Variants in TSPAN5 observed in about 807,000 individuals in gnomAD.
The protein encoded by TSPAN5 is tetraspanin-5.
Under a neutral mutation model 37.1 loss-of-function variants are expected in TSPAN5, and 10 were observed. The ratio of observed to expected loss-of-function variants is 0.27; its 90% CI spans 0.17 to 0.46. The LOEUF (loss-of-function observed/expected upper bound fraction) is 0.46, where lower values mean the gene tolerates loss of function less well. Among genes scored for constraint, TSPAN5 ranks in the 20% least tolerant of loss-of-function variants. The probability of loss-of-function intolerance (pLI) is 1.00; values close to 1 mark genes in which losing one functional copy is unlikely to be tolerated. For missense variants in TSPAN5, 195 were observed against 326.6 expected (o/e 0.60, Z 3.11); for synonymous variants, 110 against 118.9 (o/e 0.93, Z 0.48).
chr4:98,522,074 T>C (rs1221055766), intron 1 of TSPAN5, among the ~76,000 whole-genome samples: 3 of 152,244 alleles, frequency 2.0e-5, no homozygotes, highest in African/African-American at 7.2e-5. Flanking sequence ...TTTGAAATAA[T>C]TGAAATGCCA....
At chr4:98,568,814 G>GTAT (rs1755061490) in intron 1 of TSPAN5, among the ~76,000 whole-genome samples, 1 of 152,184 alleles carries the variant, frequency 6.6e-6, no homozygotes, top group Admixed American at 6.5e-5. Context: ...AGAATTGAAA[G>GTAT]TATTATATCT....
At chr4:98,473,894 G>A (rs1355969620) in intron 7 of TSPAN5, among the ~76,000 whole-genome samples, 1 of 151,996 alleles carries the variant, frequency 6.6e-6, no homozygotes, top group African/African-American at 2.4e-5. Flanking sequence ...CAAGCAGCTG[G>A]GATTACAGGG....
At chr4:98,611,065 C>T (rs957819406) in intron 1 of TSPAN5, among the ~76,000 whole-genome samples, 9 of 152,274 alleles carry the variant, frequency 5.9e-5, no homozygotes, top group South Asian at 2.1e-4. Context: ...TGGTGACAAA[C>T]GGAGCCATCT....
chr4:98,474,965 C>G (rs893238860), intron 7 of TSPAN5, among the ~76,000 whole-genome samples: 1 of 152,228 alleles, frequency 6.6e-6, no homozygotes, highest in Admixed American at 6.5e-5. Context: ...CATCCATGAG[C>G]TACCACACCT....
chr4:98,600,850 ATCAGAG>A, intron 1 of TSPAN5, among the ~76,000 whole-genome samples: 1 of 152,350 alleles, frequency 6.6e-6, no homozygotes, highest in South Asian at 2.1e-4. Context: ...GCCCATATCA[ATCAGAG>A]GAATCACTAT....
intron 7 of TSPAN5, among the ~76,000 whole-genome samples, chr4:98,473,868 T>C (rs1333449011): frequency 6.6e-6 from 1 of 152,206 alleles, no homozygotes; most frequent in Non-Finnish European, 1.5e-5. Flanking sequence ...CAGTGCAGGC[T>C]CCTGCCTCTG....
intron 1 of TSPAN5, among the ~76,000 whole-genome samples, chr4:98,640,939 G>A (rs1177857328): frequency 4.6e-5 from 7 of 152,220 alleles, no homozygotes; most frequent in African/African-American, 4.8e-5. Context: ...CCTAGAGGTC[G>A]CCACTAATAT....
At chr4:98,650,543 GGA>G (rs1432283967) in intron 1 of TSPAN5, among the ~76,000 whole-genome samples, 2 of 152,154 alleles carry the variant, frequency 1.3e-5, no homozygotes, top group African/African-American at 4.8e-5. Flanking sequence ...TATAAAATAT[GGA>G]GAGGAAAAAC....
chr4:98,631,280 T>G (rs565140304), intron 1 of TSPAN5, among the ~76,000 whole-genome samples: 1 of 152,188 alleles, frequency 6.6e-6, no homozygotes, highest in South Asian at 2.1e-4. Context: ...CAGACAACAT[T>G]CACACTGAGA....
intron 1 of TSPAN5, among the ~76,000 whole-genome samples, chr4:98,513,895 T>TAGAC (rs1354066375): frequency 6.6e-6 from 1 of 151,726 alleles, no homozygotes; most frequent in African/African-American, 2.4e-5. Flanking sequence ...GATAGATAGA[T>TAGAC]AGATAGATAG....
At chr4:98,544,086 A>G (rs1021520646) in intron 1 of TSPAN5, among the ~76,000 whole-genome samples, 1 of 152,104 alleles carries the variant, frequency 6.6e-6, no homozygotes. Context: ...AGGCTGAGGC[A>G]GAAGGATTCC....
chr4:98,585,140 T>G (rs979336632), intron 1 of TSPAN5, among the ~76,000 whole-genome samples: 31 of 152,354 alleles, frequency 2.0e-4, no homozygotes, highest in African/African-American at 7.2e-4. Context: ...TTCAAAATTC[T>G]TATACATTTA....
chr4:98,635,733 C>T (rs183630824), intron 1 of TSPAN5, among the ~76,000 whole-genome samples: 92 of 152,362 alleles, frequency 6.0e-4, no homozygotes, highest in African/African-American at 2.0e-3. Flanking sequence ...CACTCTTTGG[C>T]TGAGAGCGTT....
At chr4:98,650,367 G>C (rs74766783) in intron 1 of TSPAN5, among the ~76,000 whole-genome samples, 1,606 of 152,260 alleles carry the variant, frequency 0.011, 15 homozygotes, top group Middle Eastern at 0.031. Flanking sequence ...ATATGGGGAT[G>C]GGGGTGGTGG....
intron 1 of TSPAN5, among the ~76,000 whole-genome samples, chr4:98,566,318 T>A (rs1016459109): frequency 1.3e-5 from 2 of 148,392 alleles, no homozygotes; most frequent in Admixed American, 1.4e-4. Context: ...GAAAGCAATC[T>A]CTAGCTTGGC....
chr4:98,545,542 T>C (rs28648419), intron 1 of TSPAN5, among the ~76,000 whole-genome samples: 8,055 of 152,286 alleles, frequency 0.053, 264 homozygotes, highest in African/African-American at 0.081. Context: ...AGACTTTTTT[T>C]TTTTTGAGAC....
intron 2 of TSPAN5, among the ~76,000 whole-genome samples, chr4:98,504,821 GTC>G (rs924345347): frequency 1.7e-4 from 26 of 152,198 alleles, no homozygotes; most frequent in African/African-American, 6.3e-4. Flanking sequence ...TTGAACTCAG[GTC>G]TGTTTACCCC....
At chr4:98,560,502 G>A (rs537218137) in intron 1 of TSPAN5, among the ~76,000 whole-genome samples, 2 of 152,242 alleles carry the variant, frequency 1.3e-5, no homozygotes, top group South Asian at 4.2e-4. Flanking sequence ...TTCAATTGAG[G>A]GAGGCAGGGG....
intron 5 of TSPAN5, among the ~76,000 whole-genome samples, chr4:98,478,263 T>C (rs1470504183): frequency 1.3e-5 from 2 of 152,176 alleles, no homozygotes; most frequent in Non-Finnish European, 2.9e-5. Context: ...AGCTCTCATA[T>C]GAGCCTGCCC....
Sources: allele counts gnomAD v4.1 joint callset (sites outside exome capture counted in the v4.1 genomes callset), GRCh38; gene constraint gnomAD v4.1.1; transcripts MANE v1.5; gene names NCBI Gene and HGNC (gene_info 2026-07-23, HGNC 2026-07-21).